The following TCN2 variants were observed in gnomAD, a reference collection of about 807,000 sequenced individuals.
The protein encoded by TCN2 is transcobalamin 2.
TCN2 carries 34 observed loss-of-function variants against 48.6 expected under a neutral mutation model. The observed-to-expected ratio is 0.70, with a 90% CI of 0.53 to 0.93. The LOEUF (loss-of-function observed/expected upper bound fraction) is 0.93, where lower values mean the gene tolerates loss of function less well. Among genes scored for constraint, TCN2 ranks in the 40% least tolerant of loss-of-function variants. The pLI is 0.00. For missense variants in TCN2, 652 were observed against 526.1 expected (o/e 1.24, Z -2.34); for synonymous variants, 283 against 212.5 (o/e 1.33, Z -2.89).
intron 1 of TCN2, 23 bp from the exon 2 acceptor site, chr22:30,610,848 T>A: frequency 6.2e-7 from 1 of 1,614,096 alleles, no homozygotes; most frequent in South Asian, 1.1e-5. Flanking sequence ...TGTGACCTCA[T>A]TTGTACCATT....
rs377503911 is a variant in TCN2, at chr22:30,607,317, C to T, written c.-15C>T. 1.2e-6 allele frequency: 2 copies of T among 1,614,054 alleles called. No homozygotes were observed. On this transcript the variant is annotated 5_prime_UTR_variant, in exon 1 of 9. Coordinates refer to ENST00000215838, the MANE Select transcript of TCN2 (RefSeq NM_000355.4). ...TTCCCGATTCTTGCTCACTGCTCAC[C>T]CACCTGCTGCTGCCATGAGGCACCT...
At chr22:30,617,722 T>C in intron 7 of TCN2, 1 of 584,892 alleles carries the variant, frequency 1.7e-6, no homozygotes, top group South Asian at 1.9e-5. Context: ...AGCCCCCCAG[T>C]TGGAATCCCA....
chr22:30,613,099 T>C, intron 3 of TCN2, 57 bp downstream of exon 3: 1 of 1,595,192 alleles, frequency 6.3e-7, no homozygotes, highest in Non-Finnish European at 8.5e-7. Flanking sequence ...CATCAGATGA[T>C]ATTCTCCAAT....
chr22:30,610,172 T>G, intron 1 of TCN2: 1 of 469,462 alleles, frequency 2.1e-6, no homozygotes, highest in Non-Finnish European at 4.4e-6. Context: ...GGTAAACGGC[T>G]GCAAGCTGTG....
intron 2 of TCN2, among the ~76,000 whole-genome samples, chr22:30,611,602 G>A (rs2087542733): frequency 6.6e-6 from 1 of 152,226 alleles, no homozygotes. Flanking sequence ...CCAATTCCCG[G>A]GTTCAAGTGA....
chr22:30,626,308 G>A (rs1015579377), intron 8 of TCN2, 152 bp from the exon 9 acceptor site: 19 of 788,600 alleles, frequency 2.4e-5, no homozygotes, highest in Non-Finnish European at 3.5e-5. Flanking sequence ...CAGAGTCTTT[G>A]AGCAGGCTTT....
chr22:30,620,545 A>G (rs1302573569), intron 7 of TCN2, among the ~76,000 whole-genome samples: 3 of 152,204 alleles, frequency 2.0e-5, no homozygotes, highest in East Asian at 1.9e-4. Context: ...ACATAACGCA[A>G]TGCTGCTGGG....
At chr22:30,623,541 C>T (rs969830347) in intron 8 of TCN2, among the ~76,000 whole-genome samples, 9 of 151,588 alleles carry the variant, frequency 5.9e-5, no homozygotes, top group African/African-American at 9.7e-5. Flanking sequence ...CATGAGCCAC[C>T]GCACCCAGCC....
chr22:30,625,023 C>A (rs1034879487), intron 8 of TCN2, among the ~76,000 whole-genome samples: 4 of 152,142 alleles, frequency 2.6e-5, no homozygotes, highest in Non-Finnish European at 5.9e-5. Flanking sequence ...TCAAGACTAG[C>A]CTGACCAACA....
chr22:30,625,421 C>T (rs952591810), intron 8 of TCN2, among the ~76,000 whole-genome samples: 2 of 151,726 alleles, frequency 1.3e-5, no homozygotes, highest in African/African-American at 4.8e-5. Context: ...AAAATATTTT[C>T]CTGGCCCTTG....
intron 7 of TCN2, among the ~76,000 whole-genome samples, chr22:30,622,585 G>A (rs72558388): frequency 0.027 from 4,156 of 152,220 alleles, 78 homozygotes; most frequent in Non-Finnish European, 0.039. Flanking sequence ...GCCTGTCTCT[G>A]TATGCAGGCT....
chr22:30,615,607 A>G lies in TCN2; in HGVS notation c.760A>G (p.Met254Val), dbSNP rs1569041542. 2 of 1,613,848 alleles carry G rather than the reference A, an allele frequency of 1.2e-6. No homozygotes were observed. The highest frequency in any genetic ancestry group is 1.1e-5 in the South Asian group (1 of 91,078). The change falls in exon 6 of 9, where the codon ATG becomes GTG. Residue 254 changes from methionine to valine, a missense_variant. Coordinates refer to ENST00000215838, the MANE Select transcript of TCN2 (RefSeq NM_000355.4). ...TTCCTCACTCTATCACCAGTTCCTC[A>G]TGACTTCCCCCATGCGTGGGGCAGA... Reference protein sequence around the residue: ...YSTPLALQFLMTSPMRGAELG... With the variant: ...YSTPLALQFLVTSPMRGAELG...
At chr22:30,611,200 T>A in intron 2 of TCN2, 137 bp downstream of exon 2, 1 of 1,033,178 alleles carries the variant, frequency 9.7e-7, no homozygotes, top group South Asian at 1.3e-5. Context: ...GGAGGACCTT[T>A]GTCCATCTAT....
chr22:30,607,554 T>C (rs1481532657), intron 1 of TCN2, among the ~76,000 whole-genome samples, 159 bp downstream of exon 1: 1 of 152,214 alleles, frequency 6.6e-6, no homozygotes, highest in Non-Finnish European at 1.5e-5. Context: ...TGATTGATTA[T>C]ATGTTTGACT....
chr22:30,611,030 G>T lies in TCN2; in HGVS notation c.224G>T (p.Ser75Ile). The T allele has an allele frequency of 6.2e-7, 1 of 1,614,114 alleles. No individual in the cohort carries two copies. Among genetic ancestry groups the T allele is most frequent in the Non-Finnish European group, 8.5e-7 (1 of 1,179,988 alleles). Residue 75 changes from serine (S) to isoleucine (I), a missense_variant, in exon 2 of 9, where the codon AGC becomes ATC. By Grantham distance (142) the Ser-to-Ile change is moderately radical. Transcript: ENST00000215838. ...ACCAAGGAAGACCTCTACCTGCACAGCCTCAAGCTTGGTTACCAGCAGTGC... is the reference window on the plus strand; with the variant it reads ...ACCAAGGAAGACCTCTACCTGCACATCCTCAAGCTTGGTTACCAGCAGTGC... ...AGTKEDLYLH[S>I]LKLGYQQCLL...
intron 7 of TCN2, among the ~76,000 whole-genome samples, chr22:30,621,885 C>A (rs978308024): frequency 6.6e-6 from 1 of 152,246 alleles, no homozygotes; most frequent in Non-Finnish European, 1.5e-5. Context: ...CCTCCCTTCT[C>A]CTCTGGCAAA....
intron 8 of TCN2, among the ~76,000 whole-genome samples, chr22:30,626,237 G>C (rs1334813699): frequency 1.3e-5 from 2 of 152,106 alleles, no homozygotes; most frequent in Admixed American, 1.3e-4. Context: ...GGCCCTGCCT[G>C]TCAGGTGTTT....
chr22:30,621,807 A>G (rs1310297252), intron 7 of TCN2, among the ~76,000 whole-genome samples: 1 of 151,972 alleles, frequency 6.6e-6, no homozygotes, highest in Non-Finnish European at 1.5e-5. Context: ...TTGAAAGACC[A>G]TTCCCCCAAA....
rs1488849183 is a variant in TCN2 at position 30,626,647 on chromosome 22, C to T, written c.*126C>T. ...CTCCTGTGCACTTTGAGCAATGCCC[C>T]CTGGGATCACCCCAGCCACAAGCCC... On this transcript the variant is annotated 3_prime_UTR_variant, in exon 9 of 9. Coordinates refer to ENST00000215838, the MANE Select transcript of TCN2 (RefSeq NM_000355.4). The T allele has an allele frequency of 8.6e-6, 9 of 1,043,330 alleles. No individual in the cohort carries two copies. The African/African-American group carries it at 9.5e-5, about 11-fold the overall frequency. The allele number at this position is 1,043,330 out of a possible 1,614,324, so 64.6% of individuals were successfully genotyped here.
Sources: gnomAD v4.1 joint callset for allele counts (sites outside exome capture counted in the v4.1 genomes callset) on GRCh38, gnomAD v4.1.1 for gene constraint, MANE v1.5 for transcripts, NCBI Gene and HGNC (gene_info 2026-07-23, HGNC 2026-07-21) for gene names.